ITGB6: variants seen among roughly 807,000 people sequenced by gnomAD.
ITGB6 encodes the protein integrin subunit beta 6.
Under a neutral mutation model 84.5 loss-of-function variants are expected in ITGB6, and 80 were observed. The observed-to-expected ratio is 0.95, with a 90% CI of 0.79 to 1.14. The LOEUF (loss-of-function observed/expected upper bound fraction) is 1.14, where lower values mean the gene tolerates loss of function less well. Ranked by LOEUF, ITGB6 falls within the 50% of genes most tolerant of loss-of-function variation. The pLI, the probability that ITGB6 is intolerant of heterozygous loss-of-function variation, is 0.00. For synonymous variants in ITGB6, 383 were observed against 354.9 expected, an observed-to-expected ratio of 1.08 and a Z score of -0.89; for missense variants, 1,006 against 968.0, an observed-to-expected ratio of 1.04 and a Z score of -0.52.
chr2:160,181,736 G>A (rs1227646889), intron 4 of ITGB6, among the ~76,000 whole-genome samples: 2 of 152,174 alleles, frequency 1.3e-5, no homozygotes, highest in Non-Finnish European at 2.9e-5. Context: ...TCATACAAGA[G>A]AGCTCCAATT....
intron 14 of ITGB6, among the ~76,000 whole-genome samples, chr2:160,106,562 A>G (rs1040300117): frequency 6.6e-6 from 1 of 152,156 alleles, no homozygotes; most frequent in African/African-American, 2.4e-5. Flanking sequence ...TTAAAAATGT[A>G]TTTTTACAGG....
intron 7 of ITGB6, among the ~76,000 whole-genome samples, chr2:160,146,682 C>CTCTT (rs1221563367): frequency 6.6e-6 from 1 of 152,190 alleles, no homozygotes; most frequent in Non-Finnish European, 1.5e-5. Context: ...CTGTTTCTCT[C>CTCTT]TCTTTCTTTC....
chr2:160,153,070 A>G (rs932939482), intron 7 of ITGB6, among the ~76,000 whole-genome samples: 1 of 152,242 alleles, frequency 6.6e-6, no homozygotes, highest in African/African-American at 2.4e-5. Context: ...CTTTCTTCAC[A>G]GAATTGGAAA....
intron 9 of ITGB6, 30 bp from the exon 10 acceptor site, chr2:160,137,881 C>G: frequency 6.2e-7 from 1 of 1,601,762 alleles, no homozygotes; most frequent in African/African-American, 1.3e-5. Context: ...TTATCTCCCT[C>G]CATCCACCAA....
At position 160,135,009 on chromosome 2, in the gene ITGB6, C is replaced by A. The variant is rs1441892743; in HGVS notation, c.1660+2425G>T. 3.9e-5 allele frequency among the ~76,000 whole-genome samples: 6 copies of A among 152,256 alleles called. No homozygotes were observed. In the South Asian group the frequency reaches 1.2e-3, roughly 32 times the overall value. On this transcript the variant is annotated intron_variant, in intron 10 of 14. Transcript: ENST00000283249. The stretch of plus-strand genomic sequence containing the variant: ...AAAACTGGCACAAGACAGGGATGCC[C>A]TCTCTCACCACTCCTGTTCAACATA...
intron 10 of ITGB6, among the ~76,000 whole-genome samples, chr2:160,128,232 A>C (rs1683312971): frequency 6.6e-6 from 1 of 151,540 alleles, no homozygotes; most frequent in Non-Finnish European, 1.5e-5. Context: ...TTCCAAAGGA[A>C]GTAATGCTTG....
chr2:160,126,237 T>C, intron 11 of ITGB6, 142 bp downstream of exon 11: 1 of 689,342 alleles, frequency 1.5e-6, no homozygotes, highest in Non-Finnish European at 2.5e-6. Flanking sequence ...ACAGAGGCCC[T>C]GTGGGTTTGT....
chr2:160,150,584 C>T (rs1162142991), intron 7 of ITGB6, among the ~76,000 whole-genome samples: 1 of 152,168 alleles, frequency 6.6e-6, no homozygotes, highest in Non-Finnish European at 1.5e-5. Context: ...ATCATAATGA[C>T]AGGATGAAAT....
chr2:160,114,276 C>A (rs2105783106), intron 12 of ITGB6, among the ~76,000 whole-genome samples: 1 of 152,278 alleles, frequency 6.6e-6, no homozygotes, highest in East Asian at 1.9e-4. Flanking sequence ...ATAGTATTCT[C>A]AAATGTGCAA....
intron 14 of ITGB6, among the ~76,000 whole-genome samples, chr2:160,103,641 A>G (rs1213205752): frequency 6.6e-6 from 1 of 152,200 alleles, no homozygotes; most frequent in African/African-American, 2.4e-5. Context: ...AAAATCATGC[A>G]TGGAATTCTA....
At chr2:160,112,002 C>T in intron 13 of ITGB6, 78 bp downstream of exon 13, 1 of 1,439,366 alleles carries the variant, frequency 6.9e-7, no homozygotes, top group Non-Finnish European at 9.5e-7. Flanking sequence ...GGCATGCTAC[C>T]CAGAGCGATT....
At chr2:160,161,788 A>G (rs1266385190) in intron 7 of ITGB6, among the ~76,000 whole-genome samples, 2 of 152,188 alleles carry the variant, frequency 1.3e-5, no homozygotes. Context: ...ACACTACATT[A>G]CTGGTGGGAG....
intron 4 of ITGB6, among the ~76,000 whole-genome samples, chr2:160,193,454 G>A (rs1161316611): frequency 6.6e-6 from 1 of 152,102 alleles, no homozygotes; most frequent in Non-Finnish European, 1.5e-5. Context: ...GAAACAGAAA[G>A]TGGTTGCCTC....
intron 4 of ITGB6, among the ~76,000 whole-genome samples, chr2:160,185,368 C>A (rs1685852639): frequency 6.6e-6 from 1 of 152,168 alleles, no homozygotes; most frequent in Non-Finnish European, 1.5e-5. Flanking sequence ...AGTGAACTCC[C>A]ATTCACAATT....
At chr2:160,152,624 A>G (rs544826778) in intron 7 of ITGB6, among the ~76,000 whole-genome samples, 129 of 152,310 alleles carry the variant, frequency 8.5e-4, no homozygotes, top group Admixed American at 1.8e-3. Flanking sequence ...AAAGAAATAA[A>G]GGGTATTCAG....
At chr2:160,169,151 A>T in intron 7 of ITGB6, 61 bp downstream of exon 7, 1 of 915,852 alleles carries the variant, frequency 1.1e-6, no homozygotes, top group Non-Finnish European at 1.7e-6. Flanking sequence ...CACAGAGTTA[A>T]TGTTAAAGTT....
chr2:160,105,582 C>T (rs1333687611), intron 14 of ITGB6, among the ~76,000 whole-genome samples: 1 of 152,104 alleles, frequency 6.6e-6, no homozygotes, highest in Non-Finnish European at 1.5e-5. Flanking sequence ...TAACCATGCA[C>T]CAAAAGTTAG....
intron 4 of ITGB6, among the ~76,000 whole-genome samples, chr2:160,180,526 G>C (rs1685623268): frequency 6.6e-6 from 1 of 152,188 alleles, no homozygotes; most frequent in Non-Finnish European, 1.5e-5. Context: ...TGTGTGATGG[G>C]GGTTTGGTGT....
intron 8 of ITGB6, 32 bp downstream of exon 8, chr2:160,141,950 G>T: frequency 7.3e-7 from 1 of 1,360,994 alleles, no homozygotes; most frequent in Non-Finnish European, 1.0e-6. Context: ...CCAAAGAAAT[G>T]CAAAAAAGAA....
Sources: gnomAD v4.1 joint callset for allele counts (sites outside exome capture counted in the v4.1 genomes callset) on GRCh38, gnomAD v4.1.1 for gene constraint, MANE v1.5 for transcripts, NCBI Gene and HGNC (gene_info 2026-07-23, HGNC 2026-07-21) for gene names.